The following TSHZ2 variants were observed in gnomAD, a reference collection of about 807,000 sequenced individuals.
TSHZ2 encodes teashirt homolog 2.
A neutral mutation model predicts 74.4 loss-of-function variants in TSHZ2; 21 were observed. The ratio of observed to expected loss-of-function variants is 0.28; its 90% CI spans 0.20 to 0.41. The LOEUF (loss-of-function observed/expected upper bound fraction) is 0.41. TSHZ2 is among the 10% of genes least tolerant of loss of function. The pLI, the probability that TSHZ2 is intolerant of heterozygous loss-of-function variation, is 1.00. For synonymous variants in TSHZ2, 540 were observed against 515.3 expected (o/e 1.05, Z -0.65); for missense variants, 1,244 against 1,293.5 (o/e 0.96, Z 0.59).
chr20:53,270,061 T>A (rs1990803989), intron 2 of TSHZ2, among the ~76,000 whole-genome samples: 2 of 152,176 alleles, frequency 1.3e-5, no homozygotes, highest in Non-Finnish European at 2.9e-5. Flanking sequence ...TATGTAGGAA[T>A]CTGGCCACAG....
At chr20:53,153,701 T>G (rs1987727218) in intron 1 of TSHZ2, among the ~76,000 whole-genome samples, 1 of 152,286 alleles carries the variant, frequency 6.6e-6, no homozygotes, top group South Asian at 2.1e-4. Flanking sequence ...GCAAATTTCA[T>G]GAAAAGAGTG....
chr20:53,056,711 C>A (rs1420273362), intron 1 of TSHZ2, among the ~76,000 whole-genome samples: 4 of 152,164 alleles, frequency 2.6e-5, no homozygotes, highest in African/African-American at 9.7e-5. Flanking sequence ...ATGCATTTTA[C>A]CTGCTGGAAA....
chr20:53,208,364 C>T (rs1283399485), intron 1 of TSHZ2, among the ~76,000 whole-genome samples: 1 of 152,142 alleles, frequency 6.6e-6, no homozygotes, highest in Non-Finnish European at 1.5e-5. Flanking sequence ...ACAGGGAGCT[C>T]ACAGCTACTG....
chr20:53,280,846 C>T (rs371942927), intron 2 of TSHZ2, among the ~76,000 whole-genome samples: 6 of 152,158 alleles, frequency 3.9e-5, no homozygotes, highest in East Asian at 1.9e-4. Context: ...GTGCGTGCCA[C>T]GACACCCAGC....
At chr20:53,150,597 G>C (rs6022300) in intron 1 of TSHZ2, among the ~76,000 whole-genome samples, 2 of 149,008 alleles carry the variant, frequency 1.3e-5, no homozygotes, top group African/African-American at 4.9e-5. Context: ...TCTAATCTAA[G>C]GTAAAATCAA....
At chr20:53,021,129 A>G (rs6022219) in intron 1 of TSHZ2, among the ~76,000 whole-genome samples, 123,060 of 152,164 alleles carry the variant, frequency 0.81, 50,233 homozygotes, top group East Asian at 0.93. Context: ...TATCTCCCCC[A>G]TCTCCTTTCC....
chr20:53,181,654 C>T (rs940717758), intron 1 of TSHZ2, among the ~76,000 whole-genome samples: 11 of 152,034 alleles, frequency 7.2e-5, no homozygotes, highest in African/African-American at 2.7e-4. Context: ...TTTGGGAGGC[C>T]GAGGCGGGCA....
intron 1 of TSHZ2, among the ~76,000 whole-genome samples, chr20:53,022,152 G>C (rs912019105): frequency 1.3e-5 from 2 of 152,154 alleles, no homozygotes; most frequent in Non-Finnish European, 2.9e-5. Context: ...AGAGAAACAG[G>C]ATGAGTCACA....
intron 1 of TSHZ2, among the ~76,000 whole-genome samples, chr20:53,129,863 A>C (rs1796863232): frequency 6.6e-6 from 1 of 151,746 alleles, no homozygotes; most frequent in Non-Finnish European, 1.5e-5. Flanking sequence ...TTTTCAGCAC[A>C]AATTCCTGAT....
chr20:53,272,421 C>T (rs1990859105), intron 2 of TSHZ2, among the ~76,000 whole-genome samples: 2 of 152,040 alleles, frequency 1.3e-5, no homozygotes, highest in Admixed American at 1.3e-4. Flanking sequence ...TGTTGTATTC[C>T]TTGGAACCCA....
At chr20:53,318,181 T>A (rs1298988618) in intron 2 of TSHZ2, among the ~76,000 whole-genome samples, 1 of 152,212 alleles carries the variant, frequency 6.6e-6, no homozygotes. Flanking sequence ...AGATTTGATG[T>A]GGGCCTTGAA....
Position 53,255,255 on chromosome 20 carries a change from A to G in TSHZ2, c.1797A>G (p.Gln599=). ...CCACACACCTGGCCCCTTACACTCAAGTCAAGAAAGAGTCAGAAGACAAAG... is the reference window on the plus strand; with the variant it reads ...CCACACACCTGGCCCCTTACACTCAGGTCAAGAAAGAGTCAGAAGACAAAG... ...SMPTHLAPYT[Q]VKKESEDKDE... The change falls in exon 2 of 3, where the codon CAA becomes CAG. Residue 599 remains glutamine (Q), a synonymous_variant. Transcript: ENST00000371497. This position sits in a 1 kb window ranked among gnomAD's most constrained non-coding sequence, Gnocchi z 4.1. 1.2e-6 allele frequency: 2 copies of G among 1,614,232 alleles called. No homozygotes were observed. The highest frequency in any genetic ancestry group is 2.2e-5 in the South Asian group (2 of 91,086).
At chr20:52,996,790 A>C (rs917448338) in intron 1 of TSHZ2, among the ~76,000 whole-genome samples, 6 of 152,186 alleles carry the variant, frequency 3.9e-5, no homozygotes, top group African/African-American at 1.4e-4. Context: ...TGCAACATGC[A>C]TGTGCTCGTG....
intron 1 of TSHZ2, among the ~76,000 whole-genome samples, chr20:53,162,515 T>G (rs1274736779): frequency 6.6e-6 from 1 of 152,210 alleles, no homozygotes; most frequent in Non-Finnish European, 1.5e-5. Flanking sequence ...AGGGGATCGG[T>G]CGATGGGATC....
intron 2 of TSHZ2, among the ~76,000 whole-genome samples, chr20:53,430,777 G>A (rs1983817524): frequency 6.6e-6 from 1 of 152,136 alleles, no homozygotes; most frequent in Admixed American, 6.5e-5. Flanking sequence ...TTTTTGTTTT[G>A]AGATGGAGTC....
intron 2 of TSHZ2, among the ~76,000 whole-genome samples, chr20:53,327,229 A>G (rs1252047249): frequency 6.6e-6 from 1 of 152,226 alleles, no homozygotes; most frequent in Non-Finnish European, 1.5e-5. Context: ...TGTTCCTTCA[A>G]TCAAGGAAGA....
intron 1 of TSHZ2, among the ~76,000 whole-genome samples, chr20:53,215,499 A>C (rs1320296728): frequency 6.7e-6 from 1 of 150,304 alleles, no homozygotes; most frequent in Non-Finnish European, 1.5e-5. Flanking sequence ...CTACAGTCAG[A>C]GTTCCATCAT....
rs1341824784 is a variant in TSHZ2, at chr20:53,181,660, G to A, written c.41-71839G>A. ...TCCCAGCACTTTGGGAGGCCGAGGC[G>A]GGCAGATCACGAGGTCAGGAGATTG... On this transcript the variant is annotated intron_variant, in intron 1 of 2. Coordinates refer to ENST00000371497, the MANE Select transcript of TSHZ2 (RefSeq NM_173485.6). Among the ~76,000 whole-genome samples, 8 of 152,130 alleles carry A rather than the reference G, an allele frequency of 5.3e-5. No homozygotes were observed. In the East Asian group the frequency reaches 7.7e-4, roughly 15 times the overall value.
At chr20:53,412,225 G>A (rs1366510808) in intron 2 of TSHZ2, among the ~76,000 whole-genome samples, 2 of 152,154 alleles carry the variant, frequency 1.3e-5, no homozygotes. Context: ...ATTGGAGAAG[G>A]GCTCGATTCT....
Sources: gnomAD v4.1 joint callset for allele counts (sites outside exome capture counted in the v4.1 genomes callset) on GRCh38, gnomAD v4.1.1 for gene constraint, Gnocchi (gnomAD v3.1) non-coding constraint, MANE v1.5 for transcripts, NCBI Gene and HGNC (gene_info 2026-07-23, HGNC 2026-07-21) for gene names.